AFAP1L2: variants seen among roughly 807,000 people sequenced by gnomAD.
AFAP1L2 encodes the protein actin filament-associated protein 1-like 2.
A neutral mutation model predicts 99.3 loss-of-function variants in AFAP1L2; 46 were observed. The ratio of observed to expected loss-of-function variants is 0.46; its 90% CI spans 0.37 to 0.59. The LOEUF is 0.59. Among genes scored for constraint, AFAP1L2 ranks in the 20% least tolerant of loss-of-function variants. The pLI is 0.00. For missense variants in AFAP1L2, 959 were observed against 1,034.9 expected (o/e 0.93, Z 1.01); for synonymous variants, 397 against 419.1 (o/e 0.95, Z 0.64).
chr10:114,302,584 G>T, intron 11 of AFAP1L2, 100 bp from the exon 12 acceptor site: 2 of 1,450,556 alleles, frequency 1.4e-6, no homozygotes, highest in Non-Finnish European at 1.9e-6. Context: ...CCCTGAGCCT[G>T]CCCACGAAAG....
chr10:114,368,697 G>A (rs768261511), intron 1 of AFAP1L2, among the ~76,000 whole-genome samples: 20 of 151,566 alleles, frequency 1.3e-4, no homozygotes, highest in Non-Finnish European at 2.8e-4. Context: ...TTGCAGGCAT[G>A]AACCACCACA....
At chr10:114,301,808 A>C in intron 12 of AFAP1L2, 1 of 341,824 alleles carries the variant, frequency 2.9e-6, no homozygotes, top group South Asian at 3.6e-5. Context: ...TTTCATCTTC[A>C]CAATACACTT....
At chr10:114,397,653 C>T (rs976309655) in intron 1 of AFAP1L2, among the ~76,000 whole-genome samples, 5 of 152,170 alleles carry the variant, frequency 3.3e-5, no homozygotes, top group Admixed American at 1.3e-4. Context: ...CAAGCAAGCC[C>T]GGAAGGCTGG....
intron 1 of AFAP1L2, among the ~76,000 whole-genome samples, chr10:114,361,712 C>T (rs2052448124): frequency 1.3e-5 from 2 of 152,180 alleles, no homozygotes; most frequent in African/African-American, 4.8e-5. Flanking sequence ...GCTTCATTTC[C>T]TTGGGAACTC....
intron 1 of AFAP1L2, among the ~76,000 whole-genome samples, chr10:114,347,970 C>T (rs1448076243): frequency 6.6e-6 from 1 of 152,136 alleles, no homozygotes; most frequent in African/African-American, 2.4e-5. Context: ...CAGTGACTTC[C>T]CTATTTCCCC....
downstream of AFAP1L2, chr10:114,290,052 T>G: frequency 1.6e-6 from 1 of 617,726 alleles, no homozygotes; most frequent in Non-Finnish European, 2.7e-6. Flanking sequence ...GGACTCTCCA[T>G]GAGTCTGTAG....
chr10:114,370,153 T>G (rs2053901977), intron 1 of AFAP1L2, among the ~76,000 whole-genome samples: 2 of 152,192 alleles, frequency 1.3e-5, no homozygotes, highest in African/African-American at 4.8e-5. Flanking sequence ...TTAATTCTCC[T>G]CTTTGAATAG....
chr10:114,328,478 G>A (rs2046747752), intron 4 of AFAP1L2, among the ~76,000 whole-genome samples: 1 of 152,166 alleles, frequency 6.6e-6, no homozygotes, highest in Non-Finnish European at 1.5e-5. Context: ...TTTTCTGTCT[G>A]AGGAAGAGAC....
At chr10:114,299,166 G>A (rs1360193413) in intron 16 of AFAP1L2, 94 bp downstream of exon 16, 4 of 1,479,200 alleles carry the variant, frequency 2.7e-6, no homozygotes, top group Non-Finnish European at 3.7e-6. Context: ...CCCACTGATT[G>A]AGAAGGTGTG....
At position 114,320,967 on chromosome 10, in the gene AFAP1L2, G is replaced by A. The variant is rs542601189; in HGVS notation, c.406+2204C>T. ...CTCAGTGGGTCAATGCTAAGTGCTG[G>A]CTGCCCACAAAGCCAGCGTCTTAGA... On this transcript the variant is annotated intron_variant, in intron 5 of 18. Coordinates refer to ENST00000304129, the MANE Select transcript of AFAP1L2 (RefSeq NM_001001936.3). 5.3e-5 allele frequency among the ~76,000 whole-genome samples: 8 copies of A among 152,288 alleles called. No homozygotes were observed. In the South Asian group the frequency reaches 1.7e-3, roughly 32 times the overall value.
At chr10:114,283,030 A>G in the AFAP1L2 span, among the ~76,000 whole-genome samples, 3 of 152,216 alleles carry the variant, frequency 2.0e-5, no homozygotes, top group Admixed American at 2.0e-4. Flanking sequence ...GTAATCCCTC[A>G]GCTGTAAAAT....
chr10:114,380,999 T>C (rs1286488450), intron 1 of AFAP1L2, among the ~76,000 whole-genome samples: 1 of 152,248 alleles, frequency 6.6e-6, no homozygotes, highest in Non-Finnish European at 1.5e-5. Context: ...TGTGTGTGTA[T>C]GTATATGCAT....
intron 12 of AFAP1L2, 118 bp downstream of exon 12, chr10:114,302,221 G>A: frequency 1.4e-6 from 2 of 1,413,554 alleles, no homozygotes; most frequent in East Asian, 2.3e-5. Flanking sequence ...TTTTCCTGCT[G>A]CTGGGCAGAG....
the AFAP1L2 span, among the ~76,000 whole-genome samples, chr10:114,286,702 C>A: frequency 6.6e-6 from 1 of 152,190 alleles, no homozygotes; most frequent in Non-Finnish European, 1.5e-5. Flanking sequence ...AATAGTAGTA[C>A]CTCCTGAGAG....
At chr10:114,362,875 T>A (rs989913401) in intron 1 of AFAP1L2, 29 of 894,794 alleles carry the variant, frequency 3.2e-5, no homozygotes, top group Non-Finnish European at 3.7e-5. Context: ...CAAAAACTTC[T>A]GATTTGAAAA....
chr10:114,333,261 C>T lies in AFAP1L2; in HGVS notation c.180G>A (p.Val60=). Residue 60 remains valine (V), a synonymous_variant, in exon 3 of 19, where the codon GTG becomes GTA. Coordinates refer to ENST00000304129, the MANE Select transcript of AFAP1L2 (RefSeq NM_001001936.3). ...SDEEYIYMNK[V]TINKQQNAES... ...CTGCATTCTGTTGCTTGTTGATGGT[C>T]ACTTTGTTCATATAAATGTACTCCT... is the stretch of plus-strand genomic sequence containing the variant. 6.2e-7 allele frequency: 1 copy of T among 1,614,000 alleles called. No homozygotes were observed. Among genetic ancestry groups the T allele is most frequent in the South Asian group, 1.1e-5 (1 of 91,072 alleles).
Position 114,365,217 on chromosome 10 carries a change from C to T in AFAP1L2, c.17-24486G>A, listed in dbSNP as rs940307616. Among the ~76,000 whole-genome samples, 53 of 152,260 alleles carry T rather than the reference C, an allele frequency of 3.5e-4. 1 individual carries two copies. Among genetic ancestry groups the T allele is most frequent in the African/African-American group, 1.1e-3 (47 of 41,548 alleles). On this transcript the variant is annotated intron_variant, in intron 1 of 18. Transcript: ENST00000304129. ...AGTGTCTAGGTATGGACATTGTTCT[C>T]TTCTGGTATGGACATTGTTCTCTTC...
chr10:114,333,545 G>C (rs1235329600), intron 2 of AFAP1L2, among the ~76,000 whole-genome samples: 1 of 152,184 alleles, frequency 6.6e-6, no homozygotes. Flanking sequence ...GATACAGAAG[G>C]ATAGCTTATG....
the AFAP1L2 span, chr10:114,285,080 C>A: frequency 2.4e-6 from 2 of 824,654 alleles, no homozygotes; most frequent in Non-Finnish European, 3.6e-6. Context: ...GGCCCTTGAA[C>A]CATCTGCTTT....
Sources: allele counts gnomAD v4.1 joint callset (sites outside exome capture counted in the v4.1 genomes callset), GRCh38; gene constraint gnomAD v4.1.1; transcripts MANE v1.5; gene names NCBI Gene and HGNC (gene_info 2026-07-23, HGNC 2026-07-21).